The following GALNTL6 variants were observed in gnomAD, a reference collection of about 807,000 sequenced individuals.
The protein encoded by GALNTL6 is polypeptide N-acetylgalactosaminyltransferase like 6.
GALNTL6 carries 46 observed loss-of-function variants against 73.7 expected under a neutral mutation model. The observed-to-expected ratio is 0.62, with a 90% confidence interval of 0.49 to 0.80. The LOEUF is 0.80. GALNTL6 is among the 30% of genes least tolerant of loss of function. The pLI is 0.00. For synonymous variants in GALNTL6, 259 were observed against 263.7 expected (o/e 0.98, Z 0.17); for missense variants, 604 against 755.0 (o/e 0.80, Z 2.34).
chr4:172,307,290 T>C (rs1300912056), intron 3 of GALNTL6, among the ~76,000 whole-genome samples: 1 of 152,208 alleles, frequency 6.6e-6, no homozygotes, highest in Non-Finnish European at 1.5e-5. Flanking sequence ...GAAGATGTTT[T>C]CCCACTCTGT....
intron 6 of GALNTL6, among the ~76,000 whole-genome samples, chr4:172,813,327 A>C (rs1472125274): frequency 6.6e-6 from 1 of 152,122 alleles, no homozygotes; most frequent in African/African-American, 2.4e-5. Flanking sequence ...AACTTTCTTA[A>C]AGGAAAATAC....
intron 5 of GALNTL6, among the ~76,000 whole-genome samples, chr4:172,747,691 G>C (rs1017722590): frequency 2.0e-5 from 3 of 151,996 alleles, no homozygotes; most frequent in Admixed American, 6.6e-5. Context: ...ATTGAAATCA[G>C]TATGGGAAAG....
At chr4:171,863,791 C>G (rs1735900613) in intron 2 of GALNTL6, among the ~76,000 whole-genome samples, 1 of 151,234 alleles carries the variant, frequency 6.6e-6, no homozygotes, top group Non-Finnish European at 1.5e-5. Context: ...TAGTTTTACT[C>G]TTGTCGCCCA....
chr4:172,300,581 G>C (rs4541470), intron 3 of GALNTL6, among the ~76,000 whole-genome samples: 146,728 of 152,238 alleles, frequency 0.96, 70,946 homozygotes, highest in East Asian at 1. Flanking sequence ...GTCAAAATCT[G>C]TCAGCATTTG....
intron 2 of GALNTL6, among the ~76,000 whole-genome samples, chr4:172,111,910 C>A (rs1385549540): frequency 6.6e-6 from 1 of 151,970 alleles, no homozygotes; most frequent in Non-Finnish European, 1.5e-5. Context: ...TTTGATAAAC[C>A]TATAATTAAC....
intron 5 of GALNTL6, among the ~76,000 whole-genome samples, chr4:172,546,807 C>T (rs60860516): frequency 0.039 from 531 of 13,466 alleles, 206 homozygotes; most frequent in African/African-American, 0.12. Flanking sequence ...CGTATATATA[C>T]GTATATATAT....
intron 2 of GALNTL6, among the ~76,000 whole-genome samples, chr4:171,926,811 C>T (rs1578979092): frequency 6.6e-6 from 1 of 152,046 alleles, no homozygotes; most frequent in South Asian, 2.1e-4. Context: ...ATATGTTTTC[C>T]TTCCTGATTA....
chr4:172,009,160 A>T (rs1028545886), intron 2 of GALNTL6, among the ~76,000 whole-genome samples: 1 of 152,088 alleles, frequency 6.6e-6, no homozygotes, highest in Non-Finnish European at 1.5e-5. Context: ...TTTAATTTTC[A>T]TAAAAACATT....
chr4:171,990,349 A>T (rs547971739), intron 2 of GALNTL6, among the ~76,000 whole-genome samples: 1 of 152,112 alleles, frequency 6.6e-6, no homozygotes, highest in African/African-American at 2.4e-5. Context: ...CTCATTTTAC[A>T]GTTGAAGAAA....
At chr4:172,995,470 C>T (rs777690807) in intron 10 of GALNTL6, among the ~76,000 whole-genome samples, 3 of 152,158 alleles carry the variant, frequency 2.0e-5, no homozygotes, top group Admixed American at 1.3e-4. Context: ...AATATCTTGA[C>T]GCAGGTTCAA....
chr4:172,495,282 A>G (rs945467660), intron 5 of GALNTL6, among the ~76,000 whole-genome samples: 1 of 152,188 alleles, frequency 6.6e-6, no homozygotes, highest in Admixed American at 6.5e-5. Context: ...AAGAGTTCCA[A>G]GTACCATCGG....
At chr4:171,930,350 A>T (rs936860799) in intron 2 of GALNTL6, among the ~76,000 whole-genome samples, 1 of 152,228 alleles carries the variant, frequency 6.6e-6, no homozygotes, top group Non-Finnish European at 1.5e-5. Flanking sequence ...AATGAAGACC[A>T]TGCTACTGAG....
intron 2 of GALNTL6, among the ~76,000 whole-genome samples, chr4:172,154,193 A>G (rs1015110738): frequency 6.6e-5 from 10 of 151,808 alleles, no homozygotes; most frequent in African/African-American, 2.4e-4. Flanking sequence ...ACTAAAATGA[A>G]ACCCTGTAAA....
chr4:171,952,222 G>A (rs1738906337), intron 2 of GALNTL6, among the ~76,000 whole-genome samples: 1 of 151,836 alleles, frequency 6.6e-6, no homozygotes, highest in Admixed American at 6.6e-5. Context: ...CTTTGTTTAT[G>A]GAAGTATATC....
chr4:172,515,555 G>T (rs764791754), intron 5 of GALNTL6, among the ~76,000 whole-genome samples: 2 of 152,224 alleles, frequency 1.3e-5, no homozygotes, highest in Non-Finnish European at 2.9e-5. Context: ...ATTTAACAGG[G>T]AATGCCCTAA....
chr4:172,333,031 G>T (rs1280860026), intron 4 of GALNTL6, among the ~76,000 whole-genome samples: 1 of 152,118 alleles, frequency 6.6e-6, no homozygotes, highest in Non-Finnish European at 1.5e-5. Context: ...TTGTGGTTTT[G>T]AGTTGCATAT....
intron 5 of GALNTL6, among the ~76,000 whole-genome samples, chr4:172,389,632 G>A (rs1007545925): frequency 6.6e-6 from 1 of 152,034 alleles, no homozygotes; most frequent in African/African-American, 2.4e-5. Flanking sequence ...GAAGGTAGGA[G>A]GTAAATAAAA....
chr4:172,087,504 A>G (rs561489727), intron 2 of GALNTL6, among the ~76,000 whole-genome samples: 123 of 152,002 alleles, frequency 8.1e-4, no homozygotes, highest in African/African-American at 2.9e-3. Context: ...CCTATTTTGA[A>G]ACAAGATAGA....
At chr4:172,220,146 G>A (rs967259578) in intron 2 of GALNTL6, among the ~76,000 whole-genome samples, 5 of 151,526 alleles carry the variant, frequency 3.3e-5, no homozygotes, top group South Asian at 2.1e-4. Context: ...AGGTAACATC[G>A]TATAGTTTCC....
Sources: gnomAD v4.1 joint callset for allele counts (sites outside exome capture counted in the v4.1 genomes callset) on GRCh38, gnomAD v4.1.1 for gene constraint, MANE v1.5 for transcripts, NCBI Gene and HGNC (gene_info 2026-07-23, HGNC 2026-07-21) for gene names.